The following TXNL4A variants were observed in gnomAD, a reference collection of about 807,000 sequenced individuals.
TXNL4A encodes the protein thioredoxin like 4A.
A neutral mutation model predicts 14.6 loss-of-function variants in TXNL4A; 17 were observed. The ratio of observed to expected loss-of-function variants is 1.16; its 90% CI spans 0.80 to 1.74. The LOEUF (loss-of-function observed/expected upper bound fraction) is 1.74, where lower values mean the gene tolerates loss of function less well. Among genes scored for constraint, TXNL4A ranks in the 40% most tolerant of loss-of-function variants. The probability of loss-of-function intolerance (pLI) is 0.00; values close to 1 mark genes in which losing one functional copy is unlikely to be tolerated. For synonymous variants in TXNL4A, 83 were observed against 70.6 expected (o/e 1.18, Z -0.88); for missense variants, 74 against 195.2 (o/e 0.38, Z 3.70).
At chr18:79,974,852 CCTGCAGAGTGGCTGGG>C (rs2051355229) in intron 2 of TXNL4A, among the ~76,000 whole-genome samples, 1 of 152,306 alleles carries the variant, frequency 6.6e-6, no homozygotes, top group Middle Eastern at 3.4e-3. Flanking sequence ...CCCACCCCGG[CCTGCAGAGTGGCTGGG>C]CTGCAGGCAT....
intron 1 of TXNL4A, among the ~76,000 whole-genome samples, chr18:80,019,240 T>G (rs2051832835): frequency 6.6e-6 from 1 of 152,144 alleles, no homozygotes; most frequent in Non-Finnish European, 1.5e-5. Context: ...CAAGAAAAGG[T>G]TTAATTGGAC....
chr18:79,988,806 C>T (rs7236382), upstream of TXNL4A, among the ~76,000 whole-genome samples: 349 of 151,388 alleles, frequency 2.3e-3, 1 homozygote, highest in African/African-American at 8.1e-3. Flanking sequence ...TGCCCTGCCC[C>T]CACGCTCCCG....
At chr18:80,032,972 GTTTT>G (rs2051933281) in intron 1 of TXNL4A, among the ~76,000 whole-genome samples, 1 of 151,682 alleles carries the variant, frequency 6.6e-6, no homozygotes, top group South Asian at 2.1e-4. Flanking sequence ...GATTCCCCAC[GTTTT>G]TCCTCTGCCC....
At chr18:80,032,385 G>A (rs944804346) in intron 1 of TXNL4A, among the ~76,000 whole-genome samples, 2 of 152,162 alleles carry the variant, frequency 1.3e-5, no homozygotes, top group African/African-American at 4.8e-5. Context: ...TAAATTTTGG[G>A]ACGCCAAATT....
At chr18:79,985,325 G>A (rs1000333093) in intron 1 of TXNL4A, among the ~76,000 whole-genome samples, 2 of 152,174 alleles carry the variant, frequency 1.3e-5, no homozygotes, top group South Asian at 2.1e-4. Flanking sequence ...GCGCGATCAC[G>A]GCTTGTCACA....
chr18:79,988,238 A>C lies in TXNL4A; in HGVS notation c.153+2T>G. On this transcript the variant is annotated splice_donor_variant, in intron 1 of 2. Transcript: ENST00000269601. LOFTEE classifies it high-confidence loss of function. ...GCAGAGCGGGAGAGTCCGGCGCGCTACCTTCTCGGCGATGCTGTACAGGAC... is the reference window on the plus strand; with the variant it reads ...GCAGAGCGGGAGAGTCCGGCGCGCTCCCTTCTCGGCGATGCTGTACAGGAC... 6.5e-7 allele frequency: 1 copy of C among 1,532,402 alleles called. No individual in the cohort carries two copies. The highest frequency in any genetic ancestry group is 8.9e-7 in the Non-Finnish European group (1 of 1,122,682). The allele number at this position is 1,532,402 out of a possible 1,614,324, so 94.9% of individuals were successfully genotyped here.
chr18:79,977,506 C>T (rs2051396498), intron 2 of TXNL4A, 92 bp downstream of exon 2: 1 of 1,143,358 alleles, frequency 8.7e-7, no homozygotes, highest in Non-Finnish European at 1.3e-6. Flanking sequence ...AACCAACTTC[C>T]TTCAAAATAA....
At chr18:80,001,246 T>C (rs1362423904) in intron 1 of TXNL4A, among the ~76,000 whole-genome samples, 1 of 152,158 alleles carries the variant, frequency 6.6e-6, no homozygotes, top group African/African-American at 2.4e-5. Context: ...AAGTCAAGAA[T>C]TGAGGTTTGG....
rs984102173 is a variant in TXNL4A at position 79,970,850 on chromosome 18, G to A, written c.*2835C>T. The A allele has an allele frequency of 1.1e-5, 2 of 184,160 alleles. No homozygotes were observed. Among genetic ancestry groups the A allele is most frequent in the Admixed American group, 1.1e-4 (2 of 18,328 alleles). 11.4% of individuals were successfully genotyped at this position (184,160 alleles called of 1,614,324 possible). A position where few individuals can be genotyped will look rare whatever the true frequency, so the allele number is the denominator to read the frequency against. On this transcript the variant is annotated 3_prime_UTR_variant, in exon 3 of 3. Coordinates refer to ENST00000269601, the MANE Select transcript of TXNL4A (RefSeq NM_006701.5). ...ATTTTATCTTTTTCTGGTAACGCCA[G>A]TAAAGCTGTTATCCTAAGAGACATA...
In TXNL4A at chr18:79,977,678, A is replaced by G. The variant is rs775306959; in HGVS notation, c.177T>C (p.Tyr59=). The G allele has an allele frequency of 6.2e-7, 1 of 1,608,552 alleles. No homozygotes were observed. ...AEKVKNFAVI[Y]LVDITEVPDF... is the part of the protein sequence containing the mutation. ...CAGGCACTTCTGTAATATCCACAAGATAAATAACTGCAAAATTTTTAACCT... is the reference window on the plus strand; with the variant it reads ...CAGGCACTTCTGTAATATCCACAAGGTAAATAACTGCAAAATTTTTAACCT... Residue 59 remains tyrosine (Y), a synonymous_variant, in exon 2 of 3, where the codon TAT becomes TAC. Transcript: ENST00000269601.
upstream of TXNL4A, among the ~76,000 whole-genome samples, chr18:79,990,429 A>G (rs2051619063): frequency 6.6e-6 from 1 of 152,230 alleles, no homozygotes; most frequent in South Asian, 2.1e-4. Flanking sequence ...AGTTATCTCA[A>G]CAAACTTCAG....
In TXNL4A at chr18:79,988,424, G is replaced by A. The variant is rs770446133; in HGVS notation, c.-32C>T. 7.1e-7 allele frequency: 1 copy of A among 1,401,596 alleles called. No homozygotes were observed. The allele number at this position is 1,401,596 out of a possible 1,614,324, so 86.8% of individuals were successfully genotyped here. A position where few individuals can be genotyped will look rare whatever the true frequency, so the allele number is the denominator to read the frequency against. ...CCGCGCGCTCGCCGCCGCCCAAGGC[G>A]GGGCGCCAGGGAGGGCCCAGCGAGG... On this transcript the variant is annotated 5_prime_UTR_variant, in exon 1 of 3. Transcript: ENST00000269601.
intron 1 of TXNL4A, among the ~76,000 whole-genome samples, chr18:80,004,519 C>A (rs947640440): frequency 2.0e-5 from 3 of 152,156 alleles, no homozygotes; most frequent in Non-Finnish European, 4.4e-5. Context: ...TCCCAGCAAT[C>A]TGGGGGGGAT....
rs531755970 is a variant in TXNL4A, at chr18:79,974,880, C to A, written c.258-1024G>T. Among the ~76,000 whole-genome samples the A allele has an allele frequency of 3.2e-4, 48 of 152,286 alleles. 1 individual carries two copies. The South Asian group carries it at 9.5e-3, about 30-fold the overall frequency. ...GCAGAGTGGCTGGGCTGCAGGCATA[C>A]CCCACCTAAAGACTGTTTTTTAACG... On this transcript the variant is annotated intron_variant, in intron 2 of 2. Coordinates refer to ENST00000269601, the MANE Select transcript of TXNL4A (RefSeq NM_006701.5).
At chr18:80,015,355 A>AATTATTATTATT (rs60860228) in intron 1 of TXNL4A, among the ~76,000 whole-genome samples, 15,652 of 148,264 alleles carry the variant, frequency 0.11, 1,004 homozygotes, top group East Asian at 0.25. Flanking sequence ...TTTTTTAAAA[A>AATTATTATTATT]ATTATTATTA....
chr18:79,992,113 C>T (rs2051632013), upstream of TXNL4A, among the ~76,000 whole-genome samples: 1 of 152,218 alleles, frequency 6.6e-6, no homozygotes, highest in Non-Finnish European at 1.5e-5. Context: ...AGACAGTCAG[C>T]TGTGCATCTG....
rs1025875165 is a variant in TXNL4A, at chr18:79,973,347, G to A, written c.*338C>T. On this transcript the variant is annotated 3_prime_UTR_variant, in exon 3 of 3. Transcript: ENST00000269601. ...ACACATCTCTGTTAAAGCCCAGCTC[G>A]CGGCATATGCTGTCACCGCAGCCCC... 2.0e-4 allele frequency: 41 copies of A among 209,872 alleles called. No individual in the cohort carries two copies. Among genetic ancestry groups the A allele is most frequent in the African/African-American group, 1.8e-4 (8 of 43,576 alleles). 13.0% of individuals were successfully genotyped at this position (209,872 alleles called of 1,614,324 possible). A position where few individuals can be genotyped will look rare whatever the true frequency, so the allele number is the denominator to read the frequency against.
At chr18:80,003,143 GTCA>G (rs746328873) in intron 1 of TXNL4A, among the ~76,000 whole-genome samples, 5 of 152,362 alleles carry the variant, frequency 3.3e-5, no homozygotes, top group Non-Finnish European at 7.3e-5. Context: ...CTCCTGGGTG[GTCA>G]TCATCATATG....
chr18:80,016,850 T>C (rs1444364693), intron 1 of TXNL4A, among the ~76,000 whole-genome samples: 6 of 150,188 alleles, frequency 4.0e-5, no homozygotes, highest in Non-Finnish European at 7.5e-5. Flanking sequence ...ATGCGGGCTC[T>C]TTTTTGGTTC....
Sources: allele counts gnomAD v4.1 joint callset (sites outside exome capture counted in the v4.1 genomes callset), GRCh38; gene constraint gnomAD v4.1.1; transcripts MANE v1.5; gene names NCBI Gene and HGNC (gene_info 2026-07-23, HGNC 2026-07-21).